Variants in PPP4R1 observed in about 807,000 individuals in gnomAD.
PPP4R1 encodes protein phosphatase 4 regulatory subunit 1, also known as serine/threonine-protein phosphatase 4 regulatory subunit 1.
Under a neutral mutation model 111.2 loss-of-function variants are expected in PPP4R1, and 42 were observed. The ratio of observed to expected loss-of-function variants is 0.38; its 90% confidence interval spans 0.29 to 0.49. The LOEUF (loss-of-function observed/expected upper bound fraction) is 0.49. PPP4R1 is among the 20% of genes least tolerant of loss of function. The pLI is 0.97. For missense variants in PPP4R1, 1,012 were observed against 1,161.6 expected (o/e 0.87, Z 1.87); for synonymous variants, 409 against 405.5 (o/e 1.01, Z -0.10).
chr18:9,577,023 AAAC>A lies in PPP4R1; in HGVS notation c.1046+38_1046+40del. 2.1e-6 allele frequency: 3 copies of A among 1,449,366 alleles called. No homozygotes were observed. The South Asian group carries it at 3.9e-5, about 19-fold the overall frequency. The allele number at this position is 1,449,366 out of a possible 1,614,324, so 89.8% of individuals were successfully genotyped here. ...AATGTTTAAAAGCAGTAAAATTAGA[AAAC>A]AAGGTTTTAAAATTAGAAAATGGTT... On this transcript the variant is annotated intron_variant, in intron 10 of 19. Coordinates refer to ENST00000400556, the MANE Select transcript of PPP4R1 (RefSeq NM_001042388.3).
intron 11 of PPP4R1, among the ~76,000 whole-genome samples, chr18:9,569,653 G>A (rs1353684302): frequency 1.3e-5 from 2 of 152,106 alleles, no homozygotes; most frequent in Non-Finnish European, 2.9e-5. Context: ...CTGAAAATCA[G>A]ATTAATTGTA....
chr18:9,570,823 G>C, intron 10 of PPP4R1, 140 bp from the exon 11 acceptor site: 1 of 902,284 alleles, frequency 1.1e-6, no homozygotes, highest in Non-Finnish European at 1.6e-6. Flanking sequence ...CTGAGTTTAT[G>C]TATATTATTT....
At chr18:9,583,902 G>T (rs1469935243) in intron 8 of PPP4R1, among the ~76,000 whole-genome samples, 2 of 151,908 alleles carry the variant, frequency 1.3e-5, no homozygotes, top group East Asian at 3.9e-4. Context: ...TCACAAAAGT[G>T]ATAATCAAAA....
At chr18:9,588,906 C>A (rs1304801770) in intron 4 of PPP4R1, 53 bp from the exon 5 acceptor site, 3 of 1,589,644 alleles carry the variant, frequency 1.9e-6, no homozygotes, top group Non-Finnish European at 2.6e-6. Context: ...GCAACAAAAC[C>A]TTTATCTGTT....
upstream of PPP4R1, chr18:9,615,110 C>T (rs994570414): frequency 2.6e-5 from 4 of 152,326 alleles, no homozygotes; most frequent in African/African-American, 9.6e-5. Flanking sequence ...CCCCACCCGC[C>T]CGGGGCCCTC....
At chr18:9,568,318 C>A (rs927096905) in intron 11 of PPP4R1, among the ~76,000 whole-genome samples, 3 of 152,184 alleles carry the variant, frequency 2.0e-5, no homozygotes, top group Admixed American at 6.5e-5. Flanking sequence ...AGCCACTGCA[C>A]CTGTGGTTTT....
Position 9,614,502 on chromosome 18 carries a change from C to T in PPP4R1, c.-18G>A. 1 of 1,025,370 alleles carries T rather than the reference C, an allele frequency of 9.8e-7. No individual in the cohort carries two copies. Among genetic ancestry groups the T allele is most frequent in the Non-Finnish European group, 1.2e-6 (1 of 856,942 alleles). The allele number at this position is 1,025,370 out of a possible 1,614,324, so 63.5% of individuals were successfully genotyped here. A position where few individuals can be genotyped will look rare whatever the true frequency, so the allele number is the denominator to read the frequency against. On this transcript the variant is annotated 5_prime_UTR_variant, in exon 1 of 20. Transcript: ENST00000400556. This position sits in a 1 kb window ranked among gnomAD's most constrained non-coding sequence, Gnocchi z 4.1. ...CCCGCCATCTTGTGGTCGCCCCCTC[C>T]TCCGCGGCCGCCCGGGGAGCCGGGG...
At chr18:9,594,677 C>G in intron 3 of PPP4R1, 1 of 203,042 alleles carries the variant, frequency 4.9e-6, no homozygotes. Context: ...TGATCTTGAG[C>G]ATCACCCGTC....
rs373456233 is a variant in PPP4R1 at position 9,588,838 on chromosome 18, G to A, written c.311C>T (p.Ala104Val). The A allele has an allele frequency of 3.3e-5, 53 of 1,613,292 alleles. No homozygotes were observed. The highest frequency in any genetic ancestry group is 3.2e-4 in the African/African-American group (24 of 74,942). Reference sequence around the variant, plus strand: ...GTGAGGCACCTGTTCCATCAGCTCCGCTCTCACAGTTGGTTCTATTGAAAT... The same window carrying A: ...GTGAGGCACCTGTTCCATCAGCTCCACTCTCACAGTTGGTTCTATTGAAAT... The part of the protein sequence containing the change: ...LADDSEPTVR[A>V]ELMEQVPHIA... Residue 104 changes from alanine (A) to valine (V), a missense_variant, in exon 5 of 20, where the codon GCG becomes GTG. Transcript: ENST00000400556.
At chr18:9,549,479 T>C in intron 18 of PPP4R1, 141 bp from the exon 19 acceptor site, 2 of 1,025,308 alleles carry the variant, frequency 2.0e-6, no homozygotes. Context: ...ACTTGGGAAC[T>C]CAAATCAAAA....
rs972883719 is a variant in PPP4R1 at position 9,614,532 on chromosome 18, A to G, written c.-48T>C. 80 of 1,003,096 alleles carry G rather than the reference A, an allele frequency of 8.0e-5. No individual in the cohort carries two copies. The highest frequency in any genetic ancestry group is 8.8e-5 in the Non-Finnish European group (74 of 842,812). The allele number at this position is 1,003,096 out of a possible 1,614,324, so 62.1% of individuals were successfully genotyped here. ...CGGCCGCCCGGGGAGCCGGGGCTAC[A>G]TGGAGCGGCGCGAGCCGGGGAGCCG... On this transcript the variant is annotated 5_prime_UTR_variant, in exon 1 of 20. It removes an upstream start codon present in the reference 5' UTR. Coordinates refer to ENST00000400556, the MANE Select transcript of PPP4R1 (RefSeq NM_001042388.3). The surrounding 1 kb of genome is among the most constrained non-coding windows in gnomAD (Gnocchi z 4.1).
chr18:9,572,590 T>C (rs1220150738), intron 10 of PPP4R1, among the ~76,000 whole-genome samples: 2 of 152,146 alleles, frequency 1.3e-5, no homozygotes, highest in East Asian at 3.9e-4. Context: ...TGCCTTTAAA[T>C]ACACACAATA....
In PPP4R1 at chr18:9,614,509, G is replaced by A; in HGVS notation, c.-25C>T. On this transcript the variant is annotated 5_prime_UTR_variant, in exon 1 of 20. Transcript: ENST00000400556. This position sits in a 1 kb window ranked among gnomAD's most constrained non-coding sequence, Gnocchi z 4.1. ...TCTTGTGGTCGCCCCCTCCTCCGCG[G>A]CCGCCCGGGGAGCCGGGGCTACATG... The A allele has an allele frequency of 9.8e-7, 1 of 1,020,304 alleles. No homozygotes were observed. Among genetic ancestry groups the A allele is most frequent in the Non-Finnish European group, 1.2e-6 (1 of 853,748 alleles). 63.2% of individuals were successfully genotyped at this position (1,020,304 alleles called of 1,614,324 possible).
Position 9,603,111 on chromosome 18 carries a change from T to C in PPP4R1, c.53-7958A>G, listed in dbSNP as rs908967745. Among the ~76,000 whole-genome samples, 2 of 136,282 alleles carry C rather than the reference T, an allele frequency of 1.5e-5. 1 individual carries two copies. The highest frequency in any genetic ancestry group is 4.5e-4 in the South Asian group (2 of 4,444). 89.4% of individuals were successfully genotyped at this position (136,282 alleles called of 152,430 possible). On this transcript the variant is annotated intron_variant, in intron 2 of 19. Transcript: ENST00000400556. ...TTCCAACTGTTTTTGTTTTCACTCA[T>C]TTCATTCAACCAGTAAGTAGGGAAA...
intron 11 of PPP4R1, among the ~76,000 whole-genome samples, chr18:9,565,418 A>G (rs1251112054): frequency 2.0e-5 from 3 of 152,212 alleles, no homozygotes; most frequent in African/African-American, 7.2e-5. Flanking sequence ...CATGTCTCTC[A>G]CTTTAAATCC....
At chr18:9,580,661 C>T (rs2067014158) in intron 9 of PPP4R1, among the ~76,000 whole-genome samples, 1 of 152,264 alleles carries the variant, frequency 6.6e-6, no homozygotes, top group East Asian at 1.9e-4. Context: ...ACCATTCCCT[C>T]CTTGTAACGC....
At position 9,557,352 on chromosome 18, in the gene PPP4R1, T is replaced by C; in HGVS notation, c.2059A>G (p.Ile687Val). The change falls in exon 15 of 20, where the codon ATC becomes GTC. Residue 687 changes from isoleucine to valine, a missense_variant. By Grantham distance (29) the Ile-to-Val change is conservative. Transcript: ENST00000400556. ...WKVRRTLAFS[I>V]HELAVILGDQ... ...CCAAGAATAACTGCAAGCTCGTGGA[T>C]GGAGAATGCTAGAGTTCGTCGAACT... is the stretch of plus-strand genomic sequence containing the variant. 6.2e-7 allele frequency: 1 copy of C among 1,604,472 alleles called. No individual in the cohort carries two copies. Among genetic ancestry groups the C allele is most frequent in the Non-Finnish European group, 8.5e-7 (1 of 1,177,694 alleles).
upstream of PPP4R1, among the ~76,000 whole-genome samples, chr18:9,615,690 AAC>A (rs1226297349): frequency 6.6e-6 from 1 of 152,164 alleles, no homozygotes; most frequent in Non-Finnish European, 1.5e-5. Flanking sequence ...TGACCAACAA[AAC>A]ACCAAGCTGT....
At chr18:9,603,327 A>C (rs2067423653) in intron 2 of PPP4R1, among the ~76,000 whole-genome samples, 1 of 152,180 alleles carries the variant, frequency 6.6e-6, no homozygotes, top group Admixed American at 6.5e-5. Flanking sequence ...ATATTTATCC[A>C]TGAATACATA....
Sources: allele counts gnomAD v4.1 joint callset (sites outside exome capture counted in the v4.1 genomes callset), GRCh38; gene constraint gnomAD v4.1.1; non-coding constraint Gnocchi (gnomAD v3.1); transcripts MANE v1.5; gene names NCBI Gene and HGNC (gene_info 2026-07-23, HGNC 2026-07-21).